DNAH6: variants seen among roughly 807,000 people sequenced by gnomAD.
DNAH6 encodes axonemal beta dynein heavy chain 6.
In DNAH6, 340 loss-of-function variants were observed where a neutral mutation model predicts 491.4. The ratio of observed to expected loss-of-function variants is 0.69; its 90% confidence interval spans 0.63 to 0.76. DNAH6 has a LOEUF of 0.76. Ranked by LOEUF, DNAH6 falls within the 30% of genes least tolerant of loss-of-function variation. The probability of loss-of-function intolerance (pLI) is 0.00; values close to 1 mark genes in which losing one functional copy is unlikely to be tolerated. For synonymous variants in DNAH6, 1,603 were observed against 1,686.1 expected, an observed-to-expected ratio of 0.95 and a Z score of 1.21; for missense variants, 4,443 against 4,972.2, an observed-to-expected ratio of 0.89 and a Z score of 3.20.
the DNAH6 span, among the ~76,000 whole-genome samples, chr2:84,479,240 A>G: frequency 2.0e-5 from 3 of 152,360 alleles, no homozygotes; most frequent in South Asian, 6.2e-4. Flanking sequence ...GCAGTAAAAC[A>G]GGGATGTATG....
chr2:84,598,176 T>TTTCTTTCC (rs1684855255), intron 18 of DNAH6, among the ~76,000 whole-genome samples: 1 of 75,406 alleles, frequency 1.3e-5, no homozygotes, highest in South Asian at 5.8e-4. Context: ...TCTTTCTTTC[T>TTTCTTTCC]TTCTCTCTTT....
rs1698939950 is a variant in DNAH6, at chr2:84,729,405, G to A, written c.10206+1503G>A. On this transcript the variant is annotated intron_variant, in intron 61 of 76. Coordinates refer to ENST00000389394, the MANE Select transcript of DNAH6 (RefSeq NM_001370.2). The stretch of plus-strand genomic sequence containing the variant: ...CAGTTCACTCTGCTGCTGACTGTTA[G>A]CCAATCACTTAGCCAGGCCCTGCCC... 3.3e-5 allele frequency among the ~76,000 whole-genome samples: 5 copies of A among 152,290 alleles called. No individual in the cohort carries two copies. In the South Asian group the frequency reaches 8.3e-4, roughly 25 times the overall value.
intron 7 of DNAH6, among the ~76,000 whole-genome samples, chr2:84,547,853 T>C (rs903186822): frequency 6.6e-6 from 1 of 152,204 alleles, no homozygotes; most frequent in African/African-American, 2.4e-5. Flanking sequence ...GAATCTTGAT[T>C]AATAAGCACT....
chr2:84,690,807 T>C (rs1282714797), intron 45 of DNAH6, among the ~76,000 whole-genome samples: 3 of 152,238 alleles, frequency 2.0e-5, no homozygotes, highest in Non-Finnish European at 4.4e-5. Context: ...AATGGAAAGG[T>C]CTTTGTTATG....
intron 29 of DNAH6, among the ~76,000 whole-genome samples, chr2:84,627,453 A>C (rs1687987889): frequency 6.6e-6 from 1 of 152,064 alleles, no homozygotes; most frequent in African/African-American, 2.4e-5. Context: ...TGATTTTCTC[A>C]CCTGACTTTG....
chr2:84,773,147 T>A (rs995130466), intron 64 of DNAH6, among the ~76,000 whole-genome samples: 1 of 152,062 alleles, frequency 6.6e-6, no homozygotes, highest in African/African-American at 2.4e-5. Context: ...TTGCTGAAGT[T>A]TGGATACAAA....
rs1340629282 is a variant in DNAH6 at position 84,796,424 on chromosome 2, AG to A, written c.11359+1del. The A allele has an allele frequency of 6.6e-7, 1 of 1,513,526 alleles. No homozygotes were observed. 93.8% of individuals were successfully genotyped at this position (1,513,526 alleles called of 1,614,324 possible). A position where few individuals can be genotyped will look rare whatever the true frequency, so the allele number is the denominator to read the frequency against. The part of the protein sequence containing the change: ...LEEDYKYSES[G>X]IYFAPMADSL... ...AAGAAGATTATAAATACTCTGAATC[AG>A]GTGAATGACTTTTCAATATTACAGA... On this transcript the variant is annotated frameshift_variant and splice_region_variant, in exon 69 of 77. Transcript: ENST00000389394. LOFTEE classifies it high-confidence loss of function.
At chr2:84,474,831 C>G in the DNAH6 span, among the ~76,000 whole-genome samples, 1 of 152,170 alleles carries the variant, frequency 6.6e-6, no homozygotes, top group African/African-American at 2.4e-5. Flanking sequence ...GACATCAGCT[C>G]CAGTATCTAC....
rs1558939927 is a variant in DNAH6 at position 84,707,561 on chromosome 2, G to A, written c.8893G>A (p.Gly2965Arg). ...ALTKARLVRA[G>R]KLTAALEDEQ... The stretch of plus-strand genomic sequence containing the variant: ...GACAAAAGCACGTCTAGTACGTGCT[G>A]GAAAGCTGACAGCAGCATTAGAAGA... The change falls in exon 54 of 77, where the codon GGA becomes AGA. Residue 2965 changes from glycine (G) to arginine (R), a missense_variant. Transcript: ENST00000389394. The A allele has an allele frequency of 1.9e-6, 3 of 1,551,936 alleles. No individual in the cohort carries two copies. The highest frequency in any genetic ancestry group is 2.6e-6 in the Non-Finnish European group (3 of 1,147,032).
chr2:84,662,826 T>C (rs1021354553), intron 37 of DNAH6, among the ~76,000 whole-genome samples: 3 of 152,230 alleles, frequency 2.0e-5, no homozygotes, highest in African/African-American at 7.2e-5. Flanking sequence ...CCTTGAACCC[T>C]GAATAGCCTA....
intron 59 of DNAH6, among the ~76,000 whole-genome samples, chr2:84,719,562 G>C (rs1417639803): frequency 1.3e-5 from 2 of 151,960 alleles, no homozygotes; most frequent in Admixed American, 6.6e-5. Flanking sequence ...CCAGGCTGGA[G>C]TGCAGTGGCA....
intron 3 of DNAH6, among the ~76,000 whole-genome samples, chr2:84,527,289 C>T (rs143565793): frequency 6.6e-6 from 1 of 152,100 alleles, no homozygotes; most frequent in East Asian, 1.9e-4. Context: ...CTTTATTTCC[C>T]ACCCCCAAAT....
At chr2:84,689,189 C>A (rs1694601680) in intron 45 of DNAH6, among the ~76,000 whole-genome samples, 1 of 152,162 alleles carries the variant, frequency 6.6e-6, no homozygotes, top group Non-Finnish European at 1.5e-5. Flanking sequence ...TCCATCCCAT[C>A]CTGTGAAGCA....
intron 63 of DNAH6, among the ~76,000 whole-genome samples, chr2:84,745,513 A>G (rs906612388): frequency 5.3e-5 from 8 of 152,116 alleles, no homozygotes; most frequent in African/African-American, 1.9e-4. Flanking sequence ...AAAATACAAA[A>G]TAATTATCCG....
At chr2:84,752,655 G>T (rs971520334) in intron 63 of DNAH6, among the ~76,000 whole-genome samples, 1 of 151,874 alleles carries the variant, frequency 6.6e-6, no homozygotes, top group Non-Finnish European at 1.5e-5. Flanking sequence ...TGTCTCTACA[G>T]ATTTGCCTAT....
chr2:84,812,382 G>T lies in DNAH6; in HGVS notation c.11781G>T (p.Val3927=). 2 of 1,551,982 alleles carry T rather than the reference G, an allele frequency of 1.3e-6. No individual in the cohort carries two copies. Among genetic ancestry groups the T allele is most frequent in the Non-Finnish European group, 1.7e-6 (2 of 1,147,048 alleles). ...ETLNKAIAGF[V]VMSEEMEKVY... is the part of the protein sequence containing the mutation. ...TCAACAAAGCCATCGCTGGATTTGT[G>T]GTGATGTCTGAAGAAATGGAAAAAG... The change falls in exon 73 of 77, where the codon GTG becomes GTT. Residue 3927 remains valine (V), a synonymous_variant. Transcript: ENST00000389394.
At chr2:84,778,632 C>T (rs967149240) in intron 64 of DNAH6, among the ~76,000 whole-genome samples, 1 of 151,902 alleles carries the variant, frequency 6.6e-6, no homozygotes, top group South Asian at 2.1e-4. Flanking sequence ...TCCCAAGTAG[C>T]TGGGACTGCA....
chr2:84,641,081 A>G (rs917750525), intron 32 of DNAH6, among the ~76,000 whole-genome samples: 1 of 151,498 alleles, frequency 6.6e-6, no homozygotes, highest in Non-Finnish European at 1.5e-5. Flanking sequence ...GCTTCTTTCT[A>G]GTATCTAGTA....
chr2:84,696,857 A>T (rs1481255585), intron 46 of DNAH6, among the ~76,000 whole-genome samples: 1 of 152,164 alleles, frequency 6.6e-6, no homozygotes, highest in African/African-American at 2.4e-5. Context: ...AGAAAACTCC[A>T]AGATGCAGGT....
Sources: allele counts gnomAD v4.1 joint callset (sites outside exome capture counted in the v4.1 genomes callset), GRCh38; gene constraint gnomAD v4.1.1; transcripts MANE v1.5; gene names NCBI Gene and HGNC (gene_info 2026-07-23, HGNC 2026-07-21).